RNF111: variants seen among roughly 807,000 people sequenced by gnomAD.
RNF111 encodes E3 ubiquitin-protein ligase Arkadia.
A neutral mutation model predicts 95.1 loss-of-function variants in RNF111; 17 were observed. The ratio of observed to expected loss-of-function variants is 0.18; its 90% CI spans 0.12 to 0.27. The LOEUF (loss-of-function observed/expected upper bound fraction) is 0.27. Ranked by LOEUF, RNF111 falls within the 10% of genes least tolerant of loss-of-function variation. The pLI is 1.00. For missense variants in RNF111, 1,189 were observed against 1,210.4 expected (o/e 0.98, Z 0.26); for synonymous variants, 440 against 414.8 (o/e 1.06, Z -0.74).
intron 4 of RNF111, 123 bp downstream of exon 4, chr15:59,055,968 G>C: frequency 1.4e-6 from 1 of 731,454 alleles, no homozygotes; most frequent in South Asian, 3.4e-5. Flanking sequence ...GAAATTGTCA[G>C]ATTTTTTAAT....
At chr15:59,051,112 G>T (rs1362011603) in intron 2 of RNF111, among the ~76,000 whole-genome samples, 1 of 152,128 alleles carries the variant, frequency 6.6e-6, no homozygotes, top group Non-Finnish European at 1.5e-5. Context: ...AAATAAGGAT[G>T]CACTTTCCAA....
intron 1 of RNF111, among the ~76,000 whole-genome samples, chr15:58,997,642 C>T (rs1376750931): frequency 4.0e-5 from 6 of 151,642 alleles, no homozygotes; most frequent in Non-Finnish European, 8.8e-5. Flanking sequence ...CATGGGGAAA[C>T]TCCATCTCTA....
intron 1 of RNF111, among the ~76,000 whole-genome samples, chr15:59,014,131 T>A (rs1337275834): frequency 6.6e-6 from 1 of 152,224 alleles, no homozygotes; most frequent in African/African-American, 2.4e-5. Context: ...CTACATTATT[T>A]ATTTTGTTGT....
At chr15:59,054,496 A>T (rs1193809553) in intron 3 of RNF111, among the ~76,000 whole-genome samples, 4 of 152,026 alleles carry the variant, frequency 2.6e-5, no homozygotes, top group Admixed American at 1.3e-4. Flanking sequence ...TTGATTTTTC[A>T]AGAATTTTAA....
chr15:59,006,601 A>G (rs180955201), intron 1 of RNF111, among the ~76,000 whole-genome samples: 18 of 152,156 alleles, frequency 1.2e-4, no homozygotes, highest in East Asian at 3.9e-4. Context: ...ACAATTTGCT[A>G]TTTTTTTGCT....
At chr15:59,026,581 A>G (rs1188626781) in intron 1 of RNF111, among the ~76,000 whole-genome samples, 1 of 152,226 alleles carries the variant, frequency 6.6e-6, no homozygotes, top group African/African-American at 2.4e-5. Flanking sequence ...ATATGGTTTT[A>G]TCAAACAGCA....
chr15:59,007,542 G>A (rs1167295538), intron 1 of RNF111, among the ~76,000 whole-genome samples: 1 of 152,116 alleles, frequency 6.6e-6, no homozygotes, highest in African/African-American at 2.4e-5. Context: ...ACAAGTCTTT[G>A]TATTCACGTT....
chr15:59,050,549 G>A (rs563639342), intron 2 of RNF111, among the ~76,000 whole-genome samples: 3 of 152,250 alleles, frequency 2.0e-5, no homozygotes, highest in South Asian at 2.1e-4. Context: ...AAAATGGACC[G>A]TAAAATACGT....
At chr15:59,008,300 C>G (rs1019676451) in intron 1 of RNF111, among the ~76,000 whole-genome samples, 1 of 152,200 alleles carries the variant, frequency 6.6e-6, no homozygotes, top group African/African-American at 2.4e-5. Context: ...TCACTGCAGC[C>G]TCATCCTCCT....
chr15:59,062,363 A>G (rs146698486), intron 5 of RNF111, among the ~76,000 whole-genome samples: 22 of 152,036 alleles, frequency 1.4e-4, no homozygotes, highest in Admixed American at 3.9e-4. Context: ...TTCATATCCA[A>G]TTGCTTCTTG....
At chr15:59,005,683 GTATGTA>G (rs1181769535) in intron 1 of RNF111, among the ~76,000 whole-genome samples, 1 of 152,064 alleles carries the variant, frequency 6.6e-6, no homozygotes, top group Non-Finnish European at 1.5e-5. Flanking sequence ...AAAAAAAAAT[GTATGTA>G]TATGTATATG....
At position 59,076,208 on chromosome 15, in the gene RNF111, A is replaced by AC; in HGVS notation, c.1946dup (p.Tyr650LeufsTer100). On this transcript the variant is annotated frameshift_variant, in exon 7 of 14. Coordinates refer to ENST00000348370, the MANE Select transcript of RNF111 (RefSeq NM_017610.8). LOFTEE classifies it high-confidence loss of function. Reference sequence around the variant, plus strand: ...TCTCATCATGTCGACATTACATGCCACCCCCTTGTAAGTATATACTTAGTG... The same window carrying AC: ...TCTCATCATGTCGACATTACATGCCACCCCCCTTGTAAGTATATACTTAGTG... 6.2e-7 allele frequency: 1 copy of AC among 1,612,392 alleles called. No homozygotes were observed.
chr15:59,085,914 A>G (rs2078885106), intron 10 of RNF111, 129 bp downstream of exon 10: 5 of 826,342 alleles, frequency 6.1e-6, no homozygotes, highest in Non-Finnish European at 9.0e-6. Flanking sequence ...GTTAGCTAAA[A>G]TTGTGCTATA....
intron 1 of RNF111, among the ~76,000 whole-genome samples, chr15:58,998,152 C>T (rs62002512): frequency 0.016 from 2,447 of 152,142 alleles, 35 homozygotes; most frequent in Non-Finnish European, 0.025. Context: ...ATCCGCCAGC[C>T]TCGGCCTCCC....
At chr15:59,093,589 G>A in intron 13 of RNF111, 1 of 256,388 alleles carries the variant, frequency 3.9e-6, no homozygotes, top group Non-Finnish European at 7.9e-6. Context: ...CACCTTTGTT[G>A]TTTAGAAAAT....
At chr15:59,078,866 G>GAAA (rs58594305) in intron 7 of RNF111, among the ~76,000 whole-genome samples, 2 of 103,888 alleles carry the variant, frequency 1.9e-5, no homozygotes, top group Non-Finnish European at 4.6e-5. Flanking sequence ...CTCAAAAGAA[G>GAAA]AAAAAAAAAA....
chr15:59,039,487 A>G (rs772840011), intron 2 of RNF111, among the ~76,000 whole-genome samples: 1 of 152,306 alleles, frequency 6.6e-6, no homozygotes, highest in Non-Finnish European at 1.5e-5. Context: ...ATCATTATGA[A>G]TGCATGAATT....
At chr15:59,071,502 G>A (rs1463075339) in intron 6 of RNF111, among the ~76,000 whole-genome samples, 3 of 152,002 alleles carry the variant, frequency 2.0e-5, no homozygotes, top group African/African-American at 7.3e-5. Context: ...GTGCAACATG[G>A]TGAAACCCCG....
intron 5 of RNF111, among the ~76,000 whole-genome samples, chr15:59,065,424 A>G (rs1374167763): frequency 6.6e-6 from 1 of 152,206 alleles, no homozygotes; most frequent in Admixed American, 6.5e-5. Flanking sequence ...GAGCATAATC[A>G]GGACTCATGT....
Sources: gnomAD v4.1 joint callset for allele counts (sites outside exome capture counted in the v4.1 genomes callset) on GRCh38, gnomAD v4.1.1 for gene constraint, MANE v1.5 for transcripts, NCBI Gene and HGNC (gene_info 2026-07-23, HGNC 2026-07-21) for gene names.